Variants in NOTCH1 observed in about 807,000 individuals in gnomAD.
NOTCH1 encodes neurogenic locus notch homolog protein 1.
In NOTCH1, 37 loss-of-function variants were observed where a neutral mutation model predicts 254.8. That is an observed-to-expected ratio of 0.15 (90% confidence interval 0.11 to 0.19). The LOEUF is 0.19. Ranked by LOEUF, NOTCH1 falls within the 10% of genes least tolerant of loss-of-function variation. The pLI, the probability that NOTCH1 is intolerant of heterozygous loss-of-function variation, is 1.00. For missense variants in NOTCH1, 2,972 were observed against 3,708.6 expected (o/e 0.80, Z 5.16); for synonymous variants, 1,731 against 1,618.1 (o/e 1.07, Z -1.68).
chr9:136,513,385 C>T lies in NOTCH1; in HGVS notation c.2353+7G>A, dbSNP rs1184738725. 1.2e-6 allele frequency: 2 copies of T among 1,612,766 alleles called. No homozygotes were observed. Among genetic ancestry groups the T allele is most frequent in the African/African-American group, 1.3e-5 (1 of 75,050 alleles). Reference sequence around the variant, plus strand: ...CCTCTGCACTGAGAAACGCGCAGCCCACTCACCGCTGAAGCCCTCCCGGCA... The same window carrying T: ...CCTCTGCACTGAGAAACGCGCAGCCTACTCACCGCTGAAGCCCTCCCGGCA... On this transcript the variant is annotated splice_region_variant and intron_variant, in intron 14 of 33. Transcript: ENST00000651671. The surrounding 1 kb of genome is among the most constrained non-coding windows in gnomAD (Gnocchi z 4.7).
rs552598667 is a variant in NOTCH1 at position 136,541,167 on chromosome 9, C to CA, written c.140+2856dup. 6.6e-4 allele frequency among the ~76,000 whole-genome samples: 100 copies of CA among 152,300 alleles called. 1 individual carries two copies. The highest frequency in any genetic ancestry group is 1.9e-3 in the Admixed American group (29 of 15,298). ...GCCCAGAGACCAACCATCCTCCGCC[C>CA]ACCAGCATGTGCTGCCAGGTGCTTT... is the stretch of plus-strand genomic sequence containing the variant. On this transcript the variant is annotated intron_variant, in intron 2 of 33. Coordinates refer to ENST00000651671, the MANE Select transcript of NOTCH1 (RefSeq NM_017617.5).
rs370655335 is a variant in NOTCH1, at chr9:136,518,840, G to C, written c.866-16C>G. On this transcript the variant is annotated splice_polypyrimidine_tract_variant and intron_variant, in intron 5 of 33. Coordinates refer to ENST00000651671, the MANE Select transcript of NOTCH1 (RefSeq NM_017617.5). Reference sequence around the variant, plus strand: ...CAGTACTGACCTGCAGGGAACAGGAGCTGTCGGCCCCGGGCAGCTGCCACT... The same window carrying C: ...CAGTACTGACCTGCAGGGAACAGGACCTGTCGGCCCCGGGCAGCTGCCACT... 8 of 1,609,596 alleles carry C rather than the reference G, an allele frequency of 5.0e-6. No homozygotes were observed. Among genetic ancestry groups the C allele is most frequent in the Non-Finnish European group, 6.8e-6 (8 of 1,177,398 alleles).
At chr9:136,511,070 C>T in intron 16 of NOTCH1, 82 bp downstream of exon 16, 3 of 1,603,164 alleles carry the variant, frequency 1.9e-6, no homozygotes, top group East Asian at 2.2e-5. Context: ...AAAGACTCAT[C>T]TAGCCTGCCT....
At chr9:136,519,608 G>A (rs774593754) in intron 4 of NOTCH1, 43 bp from the exon 5 acceptor site, 34 of 1,611,984 alleles carry the variant, frequency 2.1e-5, no homozygotes, top group Non-Finnish European at 2.7e-5. Context: ...CTGAGGTCCA[G>A]TCCGGCTCCT....
Position 136,502,036 on chromosome 9 carries a change from A to C in NOTCH1, c.5437T>G (p.Trp1813Gly), listed in dbSNP as rs753518244. Residue 1813 changes from tryptophan (W) to glycine (G), a missense_variant, in exon 29 of 34, where the codon TGG becomes GGG. Physicochemically the swap from Trp to Gly is radical, Grantham distance 184. This residue lies in a region of NOTCH1 where 421 missense variants were observed against 604.4 expected (regional missense o/e 0.70). Coordinates refer to ENST00000651671, the MANE Select transcript of NOTCH1 (RefSeq NM_017617.5). The stretch of plus-strand genomic sequence containing the variant: ...TTGGTCTCCAGGTCCTCGTCCCCCC[A>C]CTCATTCTGGTTGTCGTCCATGAGG... ...GALMDDNQNEWGDEDLETKKF... is the reference protein window; with the variant it reads ...GALMDDNQNEGGDEDLETKKF... The C allele has an allele frequency of 1.1e-5, 17 of 1,612,770 alleles. No homozygotes were observed. Among genetic ancestry groups the C allele is most frequent in the South Asian group, 5.5e-5 (5 of 91,060 alleles).
intron 2 of NOTCH1, among the ~76,000 whole-genome samples, chr9:136,529,083 C>G (rs1042337238): frequency 3.3e-5 from 5 of 152,198 alleles, no homozygotes; most frequent in Non-Finnish European, 5.9e-5. Context: ...CAGATCCTGC[C>G]GTGCTCTGCT....
intron 21 of NOTCH1, 147 bp downstream of exon 21, chr9:136,507,808 T>C: frequency 3.4e-6 from 3 of 873,742 alleles, no homozygotes; most frequent in Non-Finnish European, 3.7e-6. Context: ...CAGTCTACCC[T>C]GATTACCCCA....
chr9:136,515,972 A>G lies in NOTCH1; in HGVS notation c.1669+9T>C, dbSNP rs3125006. The G allele has an allele frequency of 0.87, 1,388,518 of 1,604,098 alleles. 602,034 individuals are homozygous for G. Among genetic ancestry groups the G allele is most frequent in the East Asian group, 0.94 (42,332 of 44,830 alleles). ...CAGTCCCTCCCCGCTGGTGGGCGCCAGCCCGCACCTTCCGTGCACACACAG... is the reference window on the plus strand; with the variant it reads ...CAGTCCCTCCCCGCTGGTGGGCGCCGGCCCGCACCTTCCGTGCACACACAG... On this transcript the variant is annotated intron_variant, in intron 10 of 33. Coordinates refer to ENST00000651671, the MANE Select transcript of NOTCH1 (RefSeq NM_017617.5).
At chr9:136,517,713 C>G in intron 8 of NOTCH1, 39 bp downstream of exon 8, 1 of 1,611,252 alleles carries the variant, frequency 6.2e-7, no homozygotes, top group Non-Finnish European at 8.5e-7. Context: ...GGCTGCCCAG[C>G]CTCGACTCGG....
intron 2 of NOTCH1, among the ~76,000 whole-genome samples, chr9:136,527,218 G>A (rs994324066): frequency 2.0e-5 from 3 of 152,202 alleles, no homozygotes; most frequent in African/African-American, 7.2e-5. Flanking sequence ...TACAGACGGC[G>A]AACACCTGCC....
intron 2 of NOTCH1, among the ~76,000 whole-genome samples, chr9:136,534,490 G>A (rs1290650906): frequency 2.6e-5 from 4 of 152,152 alleles, no homozygotes; most frequent in Non-Finnish European, 5.9e-5. Context: ...TATTTCTTGG[G>A]GAAAAATCTC....
rs1843317723 is a variant in NOTCH1, at chr9:136,518,674, C to T, written c.1016G>A (p.Cys339Tyr). 6.2e-7 allele frequency: 1 copy of T among 1,612,676 alleles called. No homozygotes were observed. The highest frequency in any genetic ancestry group is 8.5e-7 in the Non-Finnish European group (1 of 1,179,982). ...GEDCSENIDD[C>Y]ASAACFHGAT... The stretch of plus-strand genomic sequence containing the variant: ...GCCGTGGAAGCAGGCGGCGCTGGCA[C>T]AGTCATCAATGTTCTCGCTGCAGTC... Residue 339 changes from cysteine to tyrosine, a missense_variant, in exon 6 of 34, where the codon TGT (cysteine) becomes TAT (tyrosine). Around this residue, in one of 8 missense-constraint regions of NOTCH1, gnomAD observed 374 missense variants for 496.3 expected, o/e 0.75. Transcript: ENST00000651671.
intron 28 of NOTCH1, 64 bp from the exon 29 acceptor site, chr9:136,502,152 TG>T: frequency 6.2e-7 from 1 of 1,603,176 alleles, no homozygotes; most frequent in Non-Finnish European, 8.5e-7. Flanking sequence ...CAGAGACCCC[TG>T]GCCCGGGCCT....
At position 136,518,432 on chromosome 9, in the gene NOTCH1, C is replaced by T. The variant is rs3125009; in HGVS notation, c.1100-140G>A. On this transcript the variant is annotated intron_variant, in intron 6 of 33. Transcript: ENST00000651671. ...GTCGGGCATCCCGTGACACTTGGGA[C>T]GTTCCGGGGGACTCACAGCGACCAC... 0.36 allele frequency: 440,248 copies of T among 1,220,124 alleles called. 88,419 individuals are homozygous for T. Among genetic ancestry groups the T allele is most frequent in the East Asian group, 0.86 (33,782 of 39,240 alleles). The allele number at this position is 1,220,124 out of a possible 1,614,324, so 75.6% of individuals were successfully genotyped here.
rs375124318 is a variant in NOTCH1 at position 136,503,381 on chromosome 9, G to A, written c.5019-51C>T. ...GGGACCCGAGGCTTCCTCCTCCCCC[G>A]CCCACCGGCCAGGGATGCTGCCGCA... On this transcript the variant is annotated intron_variant, in intron 26 of 33. Coordinates refer to ENST00000651671, the MANE Select transcript of NOTCH1 (RefSeq NM_017617.5). The A allele has an allele frequency of 7.9e-4, 1,279 of 1,610,576 alleles. 12 individuals are homozygous for A. In the African/African-American group the frequency reaches 0.015, roughly 19 times the overall value.
intron 16 of NOTCH1, 96 bp downstream of exon 16, chr9:136,511,056 C>A: frequency 6.3e-7 from 1 of 1,584,622 alleles, no homozygotes; most frequent in Non-Finnish European, 8.6e-7. Flanking sequence ...ACCAGCTCCT[C>A]TTCAAAGACT....
rs1447559158 is a variant in NOTCH1 at position 136,509,212 on chromosome 9, G to C, written c.2970-141C>G. On this transcript the variant is annotated intron_variant, in intron 18 of 33. Coordinates refer to ENST00000651671, the MANE Select transcript of NOTCH1 (RefSeq NM_017617.5). ...AGGACAGGCCCAGGGCAGCCTGGCT[G>C]ACCCAGGGAGGCCAGTGGGAACCCG... is the stretch of plus-strand genomic sequence containing the variant. 6 of 801,044 alleles carry C rather than the reference G, an allele frequency of 7.5e-6. No homozygotes were observed. In the African/African-American group the frequency reaches 1.0e-4, roughly 14 times the overall value. The allele number at this position is 801,044 out of a possible 1,614,324, so 49.6% of individuals were successfully genotyped here. A position where few individuals can be genotyped will look rare whatever the true frequency, so the allele number is the denominator to read the frequency against.
intron 30 of NOTCH1, 72 bp downstream of exon 30, chr9:136,501,676 A>G (rs2133328219): frequency 6.4e-7 from 1 of 1,562,950 alleles, no homozygotes. Flanking sequence ...ACTGTACCCC[A>G]GCCTCGGGGC....
At chr9:136,508,758 G>A (rs913293661) in intron 19 of NOTCH1, 112 bp downstream of exon 19, 2 of 1,116,480 alleles carry the variant, frequency 1.8e-6, no homozygotes, top group Non-Finnish European at 1.3e-6. Flanking sequence ...CGGGGGTGTG[G>A]GGGTGACCCC....
Sources: allele counts gnomAD v4.1 joint callset (sites outside exome capture counted in the v4.1 genomes callset), GRCh38; gene constraint gnomAD v4.1.1; regional missense constraint gnomAD v4.1.1; non-coding constraint Gnocchi (gnomAD v3.1); transcripts MANE v1.5; gene names NCBI Gene and HGNC (gene_info 2026-07-23, HGNC 2026-07-21).